The following METTL15 variants were observed in gnomAD, a reference collection of about 807,000 sequenced individuals.
METTL15 encodes 12S rRNA N(4)-cytidine methyltransferase METTL15.
METTL15 carries 34 observed loss-of-function variants against 38.3 expected under a neutral mutation model. The ratio of observed to expected loss-of-function variants is 0.89; its 90% CI spans 0.68 to 1.18. The LOEUF (loss-of-function observed/expected upper bound fraction) is 1.18. METTL15 is among the 50% of genes most tolerant of loss of function. METTL15 has a pLI of 0.00. For synonymous variants in METTL15, 162 were observed against 170.9 expected (o/e 0.95, Z 0.41); for missense variants, 438 against 498.4 (o/e 0.88, Z 1.15).
At chr11:28,335,222 A>G (rs1849890265), downstream of METTL15, among the ~76,000 whole-genome samples, 1 of 152,164 alleles carries the variant, frequency 6.6e-6, no homozygotes, top group African/African-American at 2.4e-5. Flanking sequence ...ATAATTTCAC[A>G]AGGAAAAGTC....
At chr11:28,199,773 G>A (rs1002732808) in intron 3 of METTL15, among the ~76,000 whole-genome samples, 1 of 148,984 alleles carries the variant, frequency 6.7e-6, no homozygotes, top group Non-Finnish European at 1.5e-5. Context: ...ATGGAGTCTC[G>A]CTCTTGTCAC....
At chr11:28,406,696 C>T (rs1850677098) in intron 5 of METTL15, among the ~76,000 whole-genome samples, 1 of 152,030 alleles carries the variant, frequency 6.6e-6, no homozygotes, top group South Asian at 2.1e-4. Context: ...TGCGTGATTG[C>T]CCTGGCCAGA....
chr11:28,338,930 G>A (rs1174817921), intron 3 of METTL15, among the ~76,000 whole-genome samples: 2 of 152,166 alleles, frequency 1.3e-5, no homozygotes, highest in East Asian at 1.9e-4. Flanking sequence ...TCTTGGAGGA[G>A]GAAAAAACGT....
At chr11:28,274,116 T>A (rs990448901) in intron 4 of METTL15, among the ~76,000 whole-genome samples, 2 of 151,810 alleles carry the variant, frequency 1.3e-5, no homozygotes, top group African/African-American at 4.8e-5. Flanking sequence ...TTCAATAGAG[T>A]GTGGCTAAAA....
At chr11:28,212,788 T>C (rs1017562791) in intron 4 of METTL15, among the ~76,000 whole-genome samples, 1 of 152,154 alleles carries the variant, frequency 6.6e-6, no homozygotes, top group African/African-American at 2.4e-5. Context: ...AATCCACAGA[T>C]AAGGAGGGCC....
chr11:28,256,602 T>C (rs1854981162), intron 4 of METTL15, among the ~76,000 whole-genome samples: 1 of 152,124 alleles, frequency 6.6e-6, no homozygotes, highest in Admixed American at 6.5e-5. Context: ...CTTTTTTTGG[T>C]TAATCTGGCT....
In METTL15 at chr11:28,372,099, G is replaced by A. The variant is rs550403396; in HGVS notation, c.*358+10063G>A. On this transcript the variant is annotated intron_variant and NMD_transcript_variant, in intron 5 of 7. Transcript: ENST00000532947. ...GTGGAAATGCTTTCAAGAGTTCCCT[G>A]TTCAGTACAATGTTAGTTGTGAATT... Among the ~76,000 whole-genome samples the A allele has an allele frequency of 1.1e-4, 16 of 151,984 alleles. No homozygotes were observed. In the South Asian group the frequency reaches 3.1e-3, roughly 30 times the overall value.
At chr11:28,337,784 T>C (rs78719570), downstream of METTL15, among the ~76,000 whole-genome samples, 3,667 of 152,240 alleles carry the variant, frequency 0.024, 163 homozygotes, top group African/African-American at 0.084. Flanking sequence ...TAACATGCCA[T>C]ACAGGTTTGT....
intron 3 of METTL15, among the ~76,000 whole-genome samples, chr11:28,186,835 A>T (rs1851513795): frequency 6.6e-6 from 1 of 151,148 alleles, no homozygotes; most frequent in African/African-American, 2.4e-5. Flanking sequence ...ATCTGTTAAT[A>T]GCAAGAGGAT....
chr11:28,311,524 A>G (rs1312701905), intron 6 of METTL15, among the ~76,000 whole-genome samples: 3 of 152,196 alleles, frequency 2.0e-5, no homozygotes, highest in Non-Finnish European at 4.4e-5. Context: ...GAGCAACCAT[A>G]TGTAATTTAC....
At chr11:28,531,237 C>A (rs1297442633), downstream of METTL15, among the ~76,000 whole-genome samples, 1 of 152,012 alleles carries the variant, frequency 6.6e-6, no homozygotes, top group African/African-American at 2.4e-5. Flanking sequence ...CCATCCATCC[C>A]AGCTCCCATG....
At chr11:28,253,252 C>T (rs1854821614) in intron 4 of METTL15, among the ~76,000 whole-genome samples, 1 of 152,182 alleles carries the variant, frequency 6.6e-6, no homozygotes, top group East Asian at 1.9e-4. Context: ...CATTTCCTAT[C>T]TCAGTAATTG....
chr11:28,215,283 TA>T (rs1283918801), intron 4 of METTL15, among the ~76,000 whole-genome samples: 1 of 152,188 alleles, frequency 6.6e-6, no homozygotes, highest in African/African-American at 2.4e-5. Context: ...GTTAGATTAA[TA>T]TTTTAGGCTT....
intron 5 of METTL15, among the ~76,000 whole-genome samples, chr11:28,404,055 C>CA (rs1412253774): frequency 6.6e-6 from 1 of 151,378 alleles, no homozygotes; most frequent in Non-Finnish European, 1.5e-5. Context: ...TGTATTCCCT[C>CA]AAAAACCCTA....
chr11:28,398,851 T>C (rs1850601389), intron 5 of METTL15: 1 of 151,996 alleles, frequency 6.6e-6, no homozygotes, highest in African/African-American at 2.4e-5. Flanking sequence ...AAAGAATCAA[T>C]ATTGTGAAAA....
intron 5 of METTL15, among the ~76,000 whole-genome samples, chr11:28,291,482 G>A (rs898759431): frequency 6.6e-5 from 10 of 151,996 alleles, no homozygotes; most frequent in African/African-American, 1.7e-4. Context: ...CTCATACCAT[G>A]CCCCACCACA....
intron 3 of METTL15, among the ~76,000 whole-genome samples, chr11:28,126,510 G>A (rs1334051120): frequency 1.3e-5 from 2 of 152,036 alleles, no homozygotes; most frequent in African/African-American, 4.8e-5. Context: ...ATTATTGAAT[G>A]GAGGAATGAA....
chr11:28,410,622 T>C (rs1850716375), intron 5 of METTL15: 1 of 152,110 alleles, frequency 6.6e-6, no homozygotes, highest in Admixed American at 6.6e-5. Context: ...GGAATATTTC[T>C]AACATAATAA....
chr11:28,185,254 C>T (rs1200487415), intron 3 of METTL15, among the ~76,000 whole-genome samples: 1 of 151,128 alleles, frequency 6.6e-6, no homozygotes, highest in Admixed American at 6.6e-5. Context: ...TTTTAAATAA[C>T]GAAACACTAG....
Sources: gnomAD v4.1 joint callset for allele counts (sites outside exome capture counted in the v4.1 genomes callset) on GRCh38, gnomAD v4.1.1 for gene constraint, MANE v1.5 for transcripts, NCBI Gene and HGNC (gene_info 2026-07-23, HGNC 2026-07-21) for gene names.